ARAP2: variants seen among roughly 807,000 people sequenced by gnomAD.
ARAP2 encodes the protein ArfGAP with RhoGAP domain, ankyrin repeat and PH domain 2, also known as arf-GAP with Rho-GAP domain, ANK repeat and PH domain-containing protein 2.
Under a neutral mutation model 194.5 loss-of-function variants are expected in ARAP2, and 148 were observed. That is an observed-to-expected ratio of 0.76 (90% CI 0.67 to 0.87). ARAP2 has a LOEUF of 0.87. Among genes scored for constraint, ARAP2 ranks in the 40% least tolerant of loss-of-function variants. The probability of loss-of-function intolerance (pLI) is 0.00; values close to 1 mark genes in which losing one functional copy is unlikely to be tolerated. For synonymous variants in ARAP2, 695 were observed against 683.5 expected, an observed-to-expected ratio of 1.02 and a Z score of -0.26; for missense variants, 2,128 against 1,989.7, an observed-to-expected ratio of 1.07 and a Z score of -1.32.
chr4:36,222,067 A>T (rs1037217396), intron 2 of ARAP2, among the ~76,000 whole-genome samples: 1 of 152,154 alleles, frequency 6.6e-6, no homozygotes, highest in Non-Finnish European at 1.5e-5. Context: ...AATATAAAGC[A>T]TGTTGATTTG....
Position 36,148,445 on chromosome 4 carries a change from G to A in ARAP2, c.2960C>T (p.Thr987Ile). The A allele has an allele frequency of 6.2e-7, 1 of 1,613,180 alleles. No homozygotes were observed. Among genetic ancestry groups the A allele is most frequent in the African/African-American group, 1.3e-5 (1 of 74,984 alleles). ...SERVFLFGAE[T>I]SQAQRKWTEA... The stretch of plus-strand genomic sequence containing the variant: ...TGTCCATTTTCTTTGAGCTTGAGAT[G>A]TTTCAGCTCCAAATAAAAACACACG... The change falls in exon 17 of 33, where the codon ACA becomes ATA. Residue 987 changes from threonine to isoleucine, a missense_variant. Coordinates refer to ENST00000303965, the MANE Select transcript of ARAP2 (RefSeq NM_015230.4).
chr4:36,041,021 G>T (rs1213101652), intron 5 of ARAP2, among the ~76,000 whole-genome samples: 1 of 151,818 alleles, frequency 6.6e-6, no homozygotes, highest in Non-Finnish European at 1.5e-5. Flanking sequence ...CTAGTTTATT[G>T]AGAGTTTTTT....
intron 1 of ARAP2, among the ~76,000 whole-genome samples, chr4:36,239,712 T>C (rs771825719): frequency 5.3e-5 from 8 of 152,232 alleles, no homozygotes; most frequent in Non-Finnish European, 1.0e-4. Context: ...TAAATATACT[T>C]AGCGTTACTG....
rs1483072492 is a variant in ARAP2 at position 36,228,977 on chromosome 4, TAAAG to T, written c.506_509del (p.Ser169TyrfsTer9). On this transcript the variant is annotated frameshift_variant, in exon 2 of 33. Coordinates refer to ENST00000303965, the MANE Select transcript of ARAP2 (RefSeq NM_015230.4). LOFTEE classifies it high-confidence loss of function. ...CTATTTTAATATTGTCACTACCAAA[TAAAG>T]AATCATTCAAAGAACCCAAATTCAG... 3 of 1,613,972 alleles carry T rather than the reference TAAAG, an allele frequency of 1.9e-6. No homozygotes were observed. The highest frequency in any genetic ancestry group is 3.3e-5 in the Admixed American group (2 of 59,952).
chr4:36,056,233 G>C (rs1475091989), intron 2 of ARAP2, among the ~76,000 whole-genome samples: 1 of 152,188 alleles, frequency 6.6e-6, no homozygotes, highest in Admixed American at 6.5e-5. Flanking sequence ...TAGGGCCAGA[G>C]CAAATTTATA....
intron 19 of ARAP2, among the ~76,000 whole-genome samples, chr4:36,140,174 AC>A (rs1195570726): frequency 1.3e-5 from 2 of 150,840 alleles, no homozygotes; most frequent in African/African-American, 4.9e-5. Flanking sequence ...ACACACACAC[AC>A]ATCTTAGAGG....
chr4:36,068,381 C>A, intron 32 of ARAP2, 103 bp from the exon 33 acceptor site: 1 of 1,274,072 alleles, frequency 7.8e-7, no homozygotes, highest in South Asian at 1.8e-5. Flanking sequence ...TAAAAGATCT[C>A]ATTTCTATGA....
chr4:36,009,757 C>T (rs1218844476), intron 9 of ARAP2, among the ~76,000 whole-genome samples: 1 of 150,414 alleles, frequency 6.6e-6, no homozygotes, highest in Admixed American at 6.7e-5. Context: ...CTGAGAACAT[C>T]AATGCAGTTC....
At chr4:36,131,764 C>T (rs537493815) in intron 20 of ARAP2, among the ~76,000 whole-genome samples, 16 of 151,834 alleles carry the variant, frequency 1.1e-4, no homozygotes, top group African/African-American at 3.9e-4. Flanking sequence ...TAAGGTTATG[C>T]TCCTGCTAAA....
intron 1 of ARAP2, among the ~76,000 whole-genome samples, chr4:36,230,583 T>A (rs964407987): frequency 6.6e-6 from 1 of 152,248 alleles, no homozygotes; most frequent in African/African-American, 2.4e-5. Context: ...CAAAATAAAA[T>A]TTTTTAAAAG....
chr4:36,198,499 G>A lies in ARAP2; in HGVS notation c.1488-4852C>T, dbSNP rs6812068. On this transcript the variant is annotated intron_variant, in intron 6 of 32. Transcript: ENST00000303965. ...TTCACCTCCTGCTGCTGTTCATGGC[G>A]CCCAGGCTGTTCATGTCAAGAGGTG... Among the ~76,000 whole-genome samples, 538 of 152,304 alleles carry A rather than the reference G, an allele frequency of 3.5e-3. 2 individuals carry two copies. The highest frequency in any genetic ancestry group is 0.014 in the Middle Eastern group (4 of 294).
downstream of ARAP2, among the ~76,000 whole-genome samples, chr4:36,061,936 T>C (rs1047763867): frequency 6.6e-6 from 1 of 152,222 alleles, no homozygotes; most frequent in African/African-American, 2.4e-5. Flanking sequence ...TGTTTCCCAT[T>C]TGTATGTCTT....
chr4:36,063,624 T>C (rs1724841288), downstream of ARAP2, among the ~76,000 whole-genome samples: 2 of 152,164 alleles, frequency 1.3e-5, no homozygotes, highest in Non-Finnish European at 2.9e-5. Context: ...TAAAAACAGC[T>C]TGAAATTTGT....
At chr4:36,139,261 C>G (rs1727628170) in intron 19 of ARAP2, among the ~76,000 whole-genome samples, 1 of 151,526 alleles carries the variant, frequency 6.6e-6, no homozygotes, top group South Asian at 2.1e-4. Context: ...CTAATTCCTG[C>G]ATTTGAGAGA....
downstream of ARAP2, chr4:36,065,489 G>T: frequency 3.1e-6 from 1 of 325,316 alleles, no homozygotes; most frequent in Non-Finnish European, 6.3e-6. Flanking sequence ...GCAGTCCCTA[G>T]AAATGGGGAC....
Position 36,172,587 on chromosome 4 carries a change from T to C in ARAP2, c.1857+5240A>G, listed in dbSNP as rs916051753. On this transcript the variant is annotated intron_variant, in intron 9 of 32. Coordinates refer to ENST00000303965, the MANE Select transcript of ARAP2 (RefSeq NM_015230.4). ...ACTGAAACGGGTTATTCTTATGAAT[T>C]TGCAGCAACAGGACCTGGCGAAAAC... 6.6e-5 allele frequency among the ~76,000 whole-genome samples: 10 copies of C among 152,266 alleles called. No individual in the cohort carries two copies. The South Asian group carries it at 1.9e-3, about 28-fold the overall frequency.
At chr4:36,150,372 A>G (rs774566574) in intron 16 of ARAP2, among the ~76,000 whole-genome samples, 11 of 152,144 alleles carry the variant, frequency 7.2e-5, no homozygotes, top group African/African-American at 9.6e-5. Context: ...TTGGCCAGGC[A>G]CGGTGGCTCA....
chr4:36,157,559 A>G (rs1371069858), intron 15 of ARAP2: 1 of 152,194 alleles, frequency 6.6e-6, no homozygotes, highest in African/African-American at 2.4e-5. Flanking sequence ...TCCTGTAACA[A>G]TGATAACACA....
intron 27 of ARAP2, among the ~76,000 whole-genome samples, chr4:36,105,825 T>C (rs1419046664): frequency 6.6e-6 from 1 of 151,988 alleles, no homozygotes; most frequent in East Asian, 1.9e-4. Context: ...CTAATTCTTA[T>C]CCATTTTTAT....
Sources: gnomAD v4.1 joint callset for allele counts (sites outside exome capture counted in the v4.1 genomes callset) on GRCh38, gnomAD v4.1.1 for gene constraint, MANE v1.5 for transcripts, NCBI Gene and HGNC (gene_info 2026-07-23, HGNC 2026-07-21) for gene names.